Variants in PTPRK observed in about 807,000 individuals in gnomAD.
PTPRK encodes receptor-type tyrosine-protein phosphatase kappa.
A neutral mutation model predicts 178.0 loss-of-function variants in PTPRK; 75 were observed. That is an observed-to-expected ratio of 0.42 (90% CI 0.35 to 0.51). The LOEUF (loss-of-function observed/expected upper bound fraction) is 0.51, where lower values mean the gene tolerates loss of function less well. Among genes scored for constraint, PTPRK ranks in the 20% least tolerant of loss-of-function variants. The pLI is 0.02. For synonymous variants in PTPRK, 637 were observed against 620.6 expected, an observed-to-expected ratio of 1.03 and a Z score of -0.39; for missense variants, 1,441 against 1,797.8, an observed-to-expected ratio of 0.80 and a Z score of 3.59.
At chr6:128,459,141 A>C (rs1032619192) in intron 1 of PTPRK, among the ~76,000 whole-genome samples, 2 of 152,174 alleles carry the variant, frequency 1.3e-5, no homozygotes, top group Non-Finnish European at 2.9e-5. Flanking sequence ...TTGGAAAATG[A>C]GTAGGATAAA....
intron 1 of PTPRK, among the ~76,000 whole-genome samples, chr6:128,410,751 A>G (rs1349482993): frequency 6.6e-6 from 1 of 152,216 alleles, no homozygotes; most frequent in Non-Finnish European, 1.5e-5. Flanking sequence ...ACTTTATAGT[A>G]CTATAAAATA....
At chr6:128,259,379 G>A (rs1256355905) in intron 3 of PTPRK, among the ~76,000 whole-genome samples, 1 of 151,928 alleles carries the variant, frequency 6.6e-6, no homozygotes, top group Non-Finnish European at 1.5e-5. Flanking sequence ...ATATGAAGAG[G>A]AAAGCTTTTC....
At chr6:128,348,521 T>C (rs1832711046) in intron 2 of PTPRK, among the ~76,000 whole-genome samples, 1 of 132,600 alleles carries the variant, frequency 7.5e-6, no homozygotes, top group African/African-American at 2.8e-5. Flanking sequence ...ATTTTATTCA[T>C]GGTGAATATT....
At chr6:128,100,526 C>T (rs538190927) in intron 7 of PTPRK, among the ~76,000 whole-genome samples, 86 of 152,020 alleles carry the variant, frequency 5.7e-4, no homozygotes, top group African/African-American at 1.7e-3. Flanking sequence ...TACACTGAAA[C>T]ATTAGGGGAG....
chr6:128,167,056 CA>C (rs950002099), intron 7 of PTPRK, among the ~76,000 whole-genome samples: 6 of 150,694 alleles, frequency 4.0e-5, no homozygotes, highest in African/African-American at 9.7e-5. Flanking sequence ...ATGATAGAAA[CA>C]AAAAAAACTC....
chr6:128,340,258 G>A (rs2128330682), intron 2 of PTPRK, among the ~76,000 whole-genome samples: 1 of 152,242 alleles, frequency 6.6e-6, no homozygotes, highest in East Asian at 1.9e-4. Context: ...AGAGTTCACT[G>A]GTTCAAACTC....
chr6:128,387,806 A>G (rs1285316029), intron 2 of PTPRK, among the ~76,000 whole-genome samples: 1 of 152,174 alleles, frequency 6.6e-6, no homozygotes, highest in African/African-American at 2.4e-5. Flanking sequence ...CATATGTAAC[A>G]TATGCAGTAA....
At chr6:128,310,512 A>G (rs1008148819) in intron 3 of PTPRK, among the ~76,000 whole-genome samples, 1 of 152,218 alleles carries the variant, frequency 6.6e-6, no homozygotes, top group Non-Finnish European at 1.5e-5. Flanking sequence ...GCTGTACCTT[A>G]CACAACTCAG....
At chr6:128,435,118 CAGGCAGGA>C (rs1318139811) in intron 1 of PTPRK, among the ~76,000 whole-genome samples, 1,035 of 86,854 alleles carry the variant, frequency 0.012, 11 homozygotes, top group African/African-American at 0.024. Flanking sequence ...GGCAGGAAGG[CAGGCAGGA>C]AGGCAGGCAG....
intron 8 of PTPRK, among the ~76,000 whole-genome samples, 180 bp downstream of exon 8, chr6:128,089,510 T>C (rs1455184171): frequency 6.6e-5 from 10 of 152,214 alleles, no homozygotes; most frequent in Admixed American, 1.3e-4. Context: ...ATTTGGATGC[T>C]TGTCTGAAGA....
chr6:127,973,669 G>A lies in PTPRK; in HGVS notation c.4128C>T (p.His1376=). The change falls in exon 28 of 30, where the codon CAC becomes CAT. Residue 1376 remains histidine (H), a synonymous_variant. Transcript: ENST00000368226. The stretch of plus-strand genomic sequence containing the variant: ...GGCTGAGCTGCCCTACTCACAGGCA[G>A]TGGATAATCGTCCGGCCTTCCCCTT... ...CEEGEGRTII[H]CLNGGGRSGM... is the part of the protein sequence containing the mutation. 1 of 1,613,580 alleles carries A rather than the reference G, an allele frequency of 6.2e-7. No homozygotes were observed. The highest frequency in any genetic ancestry group is 8.5e-7 in the Non-Finnish European group (1 of 1,179,910).
At chr6:128,211,216 C>T (rs780307163) in intron 6 of PTPRK, among the ~76,000 whole-genome samples, 23 of 152,048 alleles carry the variant, frequency 1.5e-4, no homozygotes, top group Non-Finnish European at 3.4e-4. Flanking sequence ...ATATTTTCTG[C>T]CATATTATTT....
At chr6:128,091,842 C>T (rs565822457) in intron 7 of PTPRK, among the ~76,000 whole-genome samples, 2 of 151,964 alleles carry the variant, frequency 1.3e-5, no homozygotes, top group Admixed American at 1.3e-4. Context: ...CTATTTAGTC[C>T]GCACTTACTC....
chr6:128,021,529 G>T (rs767181491), intron 13 of PTPRK, among the ~76,000 whole-genome samples: 1 of 152,074 alleles, frequency 6.6e-6, no homozygotes, highest in African/African-American at 2.4e-5. Flanking sequence ...CCAGCTACTC[G>T]GGAGGGAGGC....
In PTPRK at chr6:128,229,723, A is replaced by C. The variant is rs145547952; in HGVS notation, c.693+10312T>G. Among the ~76,000 whole-genome samples, 1,025 of 152,344 alleles carry C rather than the reference A, an allele frequency of 6.7e-3. 3 individuals are homozygous for C. The highest frequency in any genetic ancestry group is 0.024 in the Middle Eastern group (7 of 294). On this transcript the variant is annotated intron_variant, in intron 5 of 29. Transcript: ENST00000368226. ...GACGATTTAAGATTTAATAGAAATA[A>C]TAATTGCAACAAATTAAACTCCATT...
intron 11 of PTPRK, among the ~76,000 whole-genome samples, chr6:128,071,997 T>G (rs1054901422): frequency 6.6e-6 from 1 of 152,062 alleles, no homozygotes; most frequent in African/African-American, 2.4e-5. Flanking sequence ...GGATTGTGCT[T>G]CTTCATTCTT....
Position 127,986,237 on chromosome 6 carries a change from C to T in PTPRK, c.3097-362G>A, listed in dbSNP as rs545145421. ...AAAATGCTGCCCCATTGACCCAATG[C>T]ATTGAGTTCTCAAGTGGTGTATAAA... On this transcript the variant is annotated intron_variant, in intron 21 of 29. Transcript: ENST00000368226. Among the ~76,000 whole-genome samples, 11 of 152,284 alleles carry T rather than the reference C, an allele frequency of 7.2e-5. No homozygotes were observed. The South Asian group carries it at 2.3e-3, about 32-fold the overall frequency.
chr6:128,208,811 A>C (rs117025973), intron 6 of PTPRK, among the ~76,000 whole-genome samples: 5 of 152,278 alleles, frequency 3.3e-5, no homozygotes, highest in Non-Finnish European at 7.4e-5. Flanking sequence ...TGATTAGTTT[A>C]AGGCTTACCC....
intron 3 of PTPRK, among the ~76,000 whole-genome samples, chr6:128,279,460 C>T (rs1345558735): frequency 6.6e-6 from 1 of 152,158 alleles, no homozygotes; most frequent in Non-Finnish European, 1.5e-5. Flanking sequence ...GAATGGCTTT[C>T]CTCAGCTAAC....
Sources: allele counts gnomAD v4.1 joint callset (sites outside exome capture counted in the v4.1 genomes callset), GRCh38; gene constraint gnomAD v4.1.1; transcripts MANE v1.5; gene names NCBI Gene and HGNC (gene_info 2026-07-23, HGNC 2026-07-21).